Variants in POLR2F observed in about 807,000 individuals in gnomAD.
POLR2F encodes RNA polymerase II, I and III subunit F.
Under a neutral mutation model 22.7 loss-of-function variants are expected in POLR2F, and 12 were observed. The observed-to-expected ratio is 0.53, with a 90% CI of 0.34 to 0.86. POLR2F has a LOEUF of 0.86. Ranked by LOEUF, POLR2F falls within the 40% of genes least tolerant of loss-of-function variation. The probability of loss-of-function intolerance (pLI) is 0.02; values close to 1 mark genes in which losing one functional copy is unlikely to be tolerated. For missense variants in POLR2F, 126 were observed against 171.5 expected (o/e 0.73, Z 1.48); for synonymous variants, 57 against 66.0 (o/e 0.86, Z 0.66).
At chr22:37,990,401 C>CCTCTGCT (rs1932700649) in intron 1 of POLR2F, among the ~76,000 whole-genome samples, 1 of 152,282 alleles carries the variant, frequency 6.6e-6, no homozygotes, top group African/African-American at 2.4e-5. Context: ...GGCAGCCTGG[C>CCTCTGCT]CTCTGCTCTC....
At chr22:37,977,454 G>A (rs1932255059) in intron 4 of POLR2F, among the ~76,000 whole-genome samples, 1 of 151,440 alleles carries the variant, frequency 6.6e-6, no homozygotes, top group Admixed American at 6.6e-5. Context: ...CTGAGTAGCT[G>A]GGACTACAGG....
chr22:38,025,703 C>G, intron 1 of POLR2F: 1 of 1,530,798 alleles, frequency 6.5e-7, no homozygotes, highest in South Asian at 1.3e-5. Context: ...ATATCATCAC[C>G]CCATTGTACA....
chr22:37,973,370 C>T (rs748812960), downstream of POLR2F: 8 of 671,162 alleles, frequency 1.2e-5, no homozygotes, highest in Non-Finnish European at 1.7e-5. Flanking sequence ...AGCCCCCCGA[C>T]CTGTCAGCCT....
rs1931923538 is a variant in POLR2F at position 37,967,929 on chromosome 22, C to G, written c.*214C>G. On this transcript the variant is annotated 3_prime_UTR_variant, in exon 5 of 5. Coordinates refer to ENST00000442738, the MANE Select transcript of POLR2F (RefSeq NM_021974.5). ...AGCTCCTTAAGAAGCACCAGGGGCC[C>G]TTAGCCCCTTTGGATCCCCCACATC... is the stretch of plus-strand genomic sequence containing the variant. The G allele has an allele frequency of 4.0e-6, 5 of 1,257,932 alleles. No individual in the cohort carries two copies. The South Asian group carries it at 8.6e-5, about 22-fold the overall frequency. The allele number at this position is 1,257,932 out of a possible 1,614,324, so 77.9% of individuals were successfully genotyped here. A position where few individuals can be genotyped will look rare whatever the true frequency, so the allele number is the denominator to read the frequency against.
chr22:37,961,732 C>A (rs1397424319), intron 3 of POLR2F, among the ~76,000 whole-genome samples: 3 of 152,052 alleles, frequency 2.0e-5, no homozygotes, highest in African/African-American at 4.8e-5. Flanking sequence ...TTTTTCCCCC[C>A]AGGCTCACCT....
chr22:37,967,804 C>CCCTTCCCCT lies in POLR2F; in HGVS notation c.*91_*99dup. On this transcript the variant is annotated 3_prime_UTR_variant, in exon 5 of 5. Coordinates refer to ENST00000442738, the MANE Select transcript of POLR2F (RefSeq NM_021974.5). ...TAATAAAATATTCAACTTTCCAACC[C>CCCTTCCCCT]CCTTCCCCTCTGCTTATCTGCAATG... 6.6e-7 allele frequency: 1 copy of CCCTTCCCCT among 1,507,552 alleles called. No individual in the cohort carries two copies. Among genetic ancestry groups the CCCTTCCCCT allele is most frequent in the Non-Finnish European group, 8.8e-7 (1 of 1,130,714 alleles). 93.4% of individuals were successfully genotyped at this position (1,507,552 alleles called of 1,614,324 possible). A position where few individuals can be genotyped will look rare whatever the true frequency, so the allele number is the denominator to read the frequency against.
intron 2 of POLR2F, among the ~76,000 whole-genome samples, chr22:37,959,091 G>A (rs891668447): frequency 9.9e-5 from 15 of 152,058 alleles, no homozygotes; most frequent in African/African-American, 3.6e-4. Flanking sequence ...TGGAATCTCA[G>A]ACCTCCATTA....
At chr22:38,026,867 C>T (rs1030228289), downstream of POLR2F, among the ~76,000 whole-genome samples, 1 of 151,976 alleles carries the variant, frequency 6.6e-6, no homozygotes, top group African/African-American at 2.4e-5. Context: ...TCCCAGCCTC[C>T]CCCAGTCTCC....
At chr22:37,957,947 A>C (rs1361967799) in intron 2 of POLR2F, among the ~76,000 whole-genome samples, 1 of 152,082 alleles carries the variant, frequency 6.6e-6, no homozygotes, top group Non-Finnish European at 1.5e-5. Context: ...TTCGCAACAG[A>C]GTATCCAGAG....
chr22:38,020,206 TACACACACAC>T lies in POLR2F; in HGVS notation c.121-5643_121-5634del, dbSNP rs112285508. Reference sequence around the variant, plus strand: ...TCTGCTAAATACACACACACATATATACACACACACACACACACACACACACACATACATA... The same window carrying T: ...TCTGCTAAATACACACACACATATATACACACACACACACACACATACATA... On this transcript the variant is annotated intron_variant, in intron 1 of 2. Coordinates refer to the POLR2F transcript ENST00000333418. Among the ~76,000 whole-genome samples, 458 of 144,804 alleles carry T rather than the reference TACACACACAC, an allele frequency of 3.2e-3. 4 individuals carry two copies. The highest frequency in any genetic ancestry group is 0.011 in the African/African-American group (425 of 39,142). 95.0% of individuals were successfully genotyped at this position (144,804 alleles called of 152,430 possible). A position where few individuals can be genotyped will look rare whatever the true frequency, so the allele number is the denominator to read the frequency against.
downstream of POLR2F, among the ~76,000 whole-genome samples, chr22:38,026,988 G>A (rs2085018085): frequency 6.6e-6 from 1 of 152,148 alleles, no homozygotes; most frequent in Non-Finnish European, 1.5e-5. Flanking sequence ...GACGGGGAGG[G>A]GCGTGCATGG....
At position 37,960,285 on chromosome 22, in the gene POLR2F, C is replaced by T. The variant is rs1931578809; in HGVS notation, c.221+809C>T. 2.7e-5 allele frequency among the ~76,000 whole-genome samples: 4 copies of T among 150,438 alleles called. No individual in the cohort carries two copies. The South Asian group carries it at 8.5e-4, about 32-fold the overall frequency. The stretch of plus-strand genomic sequence containing the variant: ...GTCTCCCATGCTGGAGTGCACTGGC[C>T]CAATCTCAGCTCAGTACAACCCCTG... On this transcript the variant is annotated intron_variant, in intron 3 of 4. Transcript: ENST00000442738.
chr22:38,018,513 G>A (rs1308310317), intron 1 of POLR2F, among the ~76,000 whole-genome samples: 1 of 152,110 alleles, frequency 6.6e-6, no homozygotes, highest in Non-Finnish European at 1.5e-5. Flanking sequence ...CTTAGGGTGG[G>A]GTCAAGGCCT....
intron 1 of POLR2F, among the ~76,000 whole-genome samples, chr22:38,003,195 T>C (rs1315499458): frequency 6.6e-6 from 1 of 151,960 alleles, no homozygotes; most frequent in Non-Finnish European, 1.5e-5. Flanking sequence ...TGGTAGAGGC[T>C]TATGTACCAG....
chr22:37,959,573 C>G (rs191521463), intron 3 of POLR2F, 97 bp downstream of exon 3: 5 of 1,382,930 alleles, frequency 3.6e-6, no homozygotes, highest in East Asian at 4.7e-5. Flanking sequence ...AAAACAGACT[C>G]TCTGCTCTCA....
At chr22:38,034,730 G>C (rs1054536421) in intron 5 of POLR2F, among the ~76,000 whole-genome samples, 1 of 152,208 alleles carries the variant, frequency 6.6e-6, no homozygotes, top group African/African-American at 2.4e-5. Context: ...CTTTCTGGAG[G>C]GGGTTGTGCC....
chr22:37,961,605 T>A (rs930797752), intron 3 of POLR2F, among the ~76,000 whole-genome samples: 4 of 152,244 alleles, frequency 2.6e-5, no homozygotes, highest in Admixed American at 2.0e-4. Context: ...GTGCAGGCCT[T>A]CAGATGCCTG....
chr22:37,971,125 G>A (rs962092218), downstream of POLR2F: 103 of 423,196 alleles, frequency 2.4e-4, 2 homozygotes, highest in Middle Eastern at 2.2e-3. Context: ...AGGATGCCCA[G>A]TCTGGAGCAG....
exon 3 of POLR2F, chr22:38,026,490 G>GC: frequency 2.8e-6 from 1 of 361,492 alleles, no homozygotes; most frequent in Non-Finnish European, 5.6e-6. Context: ...GTGCCCATCT[G>GC]CAACTGTGAG....
Sources: gnomAD v4.1 joint callset for allele counts (sites outside exome capture counted in the v4.1 genomes callset) on GRCh38, gnomAD v4.1.1 for gene constraint, MANE v1.5 for transcripts, NCBI Gene and HGNC (gene_info 2026-07-23, HGNC 2026-07-21) for gene names.